Variants in BBS9 observed in about 807,000 individuals in gnomAD.
BBS9 encodes protein PTHB1.
Under a neutral mutation model 117.7 loss-of-function variants are expected in BBS9, and 89 were observed. The ratio of observed to expected loss-of-function variants is 0.76; its 90% confidence interval spans 0.64 to 0.90. The LOEUF (loss-of-function observed/expected upper bound fraction) is 0.90, where lower values mean the gene tolerates loss of function less well. Among genes scored for constraint, BBS9 ranks in the 40% least tolerant of loss-of-function variants. The pLI, the probability that BBS9 is intolerant of heterozygous loss-of-function variation, is 0.00. For synonymous variants in BBS9, 379 were observed against 370.9 expected (o/e 1.02, Z -0.25); for missense variants, 982 against 1,042.2 (o/e 0.94, Z 0.80).
At chr7:33,604,291 C>G (rs1864255643) in intron 21 of BBS9, among the ~76,000 whole-genome samples, 1 of 152,132 alleles carries the variant, frequency 6.6e-6, no homozygotes, top group Non-Finnish European at 1.5e-5. Context: ...CTCAAGTCAC[C>G]TTTGGATTGA....
chr7:33,255,007 T>C (rs1117312), intron 5 of BBS9, among the ~76,000 whole-genome samples: 271 of 140,190 alleles, frequency 1.9e-3, no homozygotes, highest in African/African-American at 7.5e-3. Context: ...AATTGGTTTA[T>C]TTGTTTTTTG....
intron 1 of BBS9, among the ~76,000 whole-genome samples, chr7:33,135,517 A>G (rs1790320833): frequency 6.6e-6 from 1 of 152,212 alleles, no homozygotes; most frequent in African/African-American, 2.4e-5. Flanking sequence ...CTGGACTCTC[A>G]GTATTTTCCA....
intron 6 of BBS9, among the ~76,000 whole-genome samples, chr7:33,258,818 G>C (rs1797502096): frequency 6.6e-6 from 1 of 152,196 alleles, no homozygotes; most frequent in African/African-American, 2.4e-5. Context: ...CTCTGGGAGT[G>C]ATTGGATAGA....
chr7:33,492,427 A>G (rs1844118353), intron 19 of BBS9, among the ~76,000 whole-genome samples: 1 of 152,118 alleles, frequency 6.6e-6, no homozygotes, highest in Non-Finnish European at 1.5e-5. Flanking sequence ...ACCTCCTGGG[A>G]TTAAATTACC....
At chr7:33,396,137 ATTT>A (rs1024456196) in intron 19 of BBS9, among the ~76,000 whole-genome samples, 2 of 152,146 alleles carry the variant, frequency 1.3e-5, no homozygotes, top group African/African-American at 4.8e-5. Context: ...GAATTTGTAC[ATTT>A]TTACCCTATA....
intron 19 of BBS9, among the ~76,000 whole-genome samples, chr7:33,462,151 ATG>A (rs914478883): frequency 2.6e-5 from 4 of 152,086 alleles, no homozygotes; most frequent in African/African-American, 9.7e-5. Context: ...TTACACAAGA[ATG>A]TTTTATTGGG....
At chr7:33,544,973 G>T (rs1853054830) in intron 21 of BBS9, among the ~76,000 whole-genome samples, 1 of 152,020 alleles carries the variant, frequency 6.6e-6, no homozygotes, top group African/African-American at 2.4e-5. Flanking sequence ...CAGGGAAGTG[G>T]GGGAAAGCCA....
chr7:33,503,449 T>C (rs932604755), intron 19 of BBS9, among the ~76,000 whole-genome samples: 22 of 152,216 alleles, frequency 1.4e-4, no homozygotes, highest in African/African-American at 4.3e-4. Flanking sequence ...GGAGGGATAG[T>C]TATTCACATA....
intron 19 of BBS9, among the ~76,000 whole-genome samples, chr7:33,421,173 T>G (rs1470721576): frequency 6.7e-6 from 1 of 150,214 alleles, no homozygotes; most frequent in Non-Finnish European, 1.5e-5. Context: ...TTGGTGAGGA[T>G]TTTTAATTTT....
Position 33,596,133 on chromosome 7 carries a change from A to C in BBS9, c.2522-8732A>C, listed in dbSNP as rs1862721288. Among the ~76,000 whole-genome samples the C allele has an allele frequency of 2.6e-5, 4 of 151,926 alleles. No homozygotes were observed. The South Asian group carries it at 6.2e-4, about 24-fold the overall frequency. On this transcript the variant is annotated intron_variant, in intron 21 of 22. Coordinates refer to ENST00000242067, the MANE Select transcript of BBS9 (RefSeq NM_198428.3). ...CAGCAAACCACTATGGCACACATAT[A>C]CCTTTGTAACAAACCTGCATATTCT...
At chr7:33,374,034 T>C (rs974454939) in intron 17 of BBS9, among the ~76,000 whole-genome samples, 3 of 152,202 alleles carry the variant, frequency 2.0e-5, no homozygotes, top group Non-Finnish European at 4.4e-5. Flanking sequence ...ATAAACACTG[T>C]TGTGGCTCTT....
In BBS9 at chr7:33,545,823, G is replaced by A. The variant is rs540361471; in HGVS notation, c.2521+11647G>A. On this transcript the variant is annotated intron_variant, in intron 21 of 22. Coordinates refer to ENST00000242067, the MANE Select transcript of BBS9 (RefSeq NM_198428.3). ...TTGTATATGTGTATACACTCACTAC[G>A]TATGTGTTTGTATGCATATCCTTCT... 5.3e-5 allele frequency among the ~76,000 whole-genome samples: 8 copies of A among 150,468 alleles called. No homozygotes were observed. In the South Asian group the frequency reaches 8.4e-4, roughly 16 times the overall value.
chr7:33,214,920 G>C (rs34506512), intron 5 of BBS9, among the ~76,000 whole-genome samples: 22,840 of 152,234 alleles, frequency 0.15, 2,006 homozygotes, highest in South Asian at 0.23. Flanking sequence ...TGGGCCTGGC[G>C]CAGTGGCTCA....
intron 21 of BBS9, among the ~76,000 whole-genome samples, chr7:33,537,185 C>T (rs1342488197): frequency 6.6e-6 from 1 of 152,102 alleles, no homozygotes; most frequent in Non-Finnish European, 1.5e-5. Context: ...GCCATGTTCC[C>T]TATTAAATTG....
At chr7:33,541,958 C>T (rs1322806782) in intron 21 of BBS9, among the ~76,000 whole-genome samples, 1 of 151,796 alleles carries the variant, frequency 6.6e-6, no homozygotes, top group Non-Finnish European at 1.5e-5. Context: ...TGTTTAAAAA[C>T]ATTTTTTAGT....
intron 9 of BBS9, among the ~76,000 whole-genome samples, chr7:33,313,799 T>C (rs1455896121): frequency 1.3e-5 from 2 of 152,230 alleles, no homozygotes; most frequent in African/African-American, 4.8e-5. Context: ...TAATGGTGAA[T>C]AGCAATAACA....
intron 21 of BBS9, among the ~76,000 whole-genome samples, chr7:33,575,326 G>T (rs1858610518): frequency 6.6e-6 from 1 of 151,646 alleles, no homozygotes; most frequent in Non-Finnish European, 1.5e-5. Context: ...ATGTCCTCTT[G>T]GTACACATAC....
At chr7:33,310,461 A>G (rs1562973880) in intron 9 of BBS9, among the ~76,000 whole-genome samples, 1 of 152,238 alleles carries the variant, frequency 6.6e-6, no homozygotes, top group Non-Finnish European at 1.5e-5. Flanking sequence ...AAGAGCCAAA[A>G]CACATCCAGA....
intron 4 of BBS9, among the ~76,000 whole-genome samples, chr7:33,171,100 C>G (rs1344968874): frequency 6.6e-6 from 1 of 152,006 alleles, no homozygotes; most frequent in East Asian, 1.9e-4. Flanking sequence ...CTGGAAAAAA[C>G]TACTTTAAAG....
Sources: gnomAD v4.1 joint callset for allele counts (sites outside exome capture counted in the v4.1 genomes callset) on GRCh38, gnomAD v4.1.1 for gene constraint, MANE v1.5 for transcripts, NCBI Gene and HGNC (gene_info 2026-07-23, HGNC 2026-07-21) for gene names.